The following ZNF726 variants were observed in gnomAD, a reference collection of about 807,000 sequenced individuals.
ZNF726 encodes zinc finger protein 726.
Under a neutral mutation model 11.6 loss-of-function variants are expected in ZNF726, and 15 were observed. The ratio of observed to expected loss-of-function variants is 1.29; its 90% CI spans 0.86 to 1.99. The LOEUF is 1.99. ZNF726 is among the 30% of genes most tolerant of loss of function. The pLI is 0.00. For synonymous variants in ZNF726, 295 were observed against 243.6 expected, an observed-to-expected ratio of 1.21 and a Z score of -1.96; for missense variants, 890 against 725.6, an observed-to-expected ratio of 1.23 and a Z score of -2.60.
At chr19:23,923,179 C>A (rs2144968755) in intron 3 of ZNF726, among the ~76,000 whole-genome samples, 1 of 152,084 alleles carries the variant, frequency 6.6e-6, no homozygotes, top group South Asian at 2.1e-4. Context: ...AGGCTCTAAC[C>A]ATATTCTGCT....
At chr19:23,935,257 TTAAACA>T (rs776216745), downstream of ZNF726, 2 of 472,820 alleles carry the variant, frequency 4.2e-6, no homozygotes, top group Admixed American at 4.6e-5. Context: ...TCAACTTTTA[TTAAACA>T]TAAGGTAATT....
chr19:23,926,953 T>TA (rs1568377733), intron 3 of ZNF726, among the ~76,000 whole-genome samples: 1 of 152,172 alleles, frequency 6.6e-6, no homozygotes, highest in South Asian at 2.1e-4. Context: ...AATGTTTCCT[T>TA]AAAAAACCCC....
chr19:23,918,115 G>A (rs1967749043), intron 1 of ZNF726, among the ~76,000 whole-genome samples: 2 of 152,108 alleles, frequency 1.3e-5, no homozygotes, highest in South Asian at 2.1e-4. Context: ...CCCTTGTGAC[G>A]GGAGGGGTAA....
intron 4 of ZNF726, chr19:23,944,143 T>C (rs1214986120): frequency 6.6e-6 from 1 of 152,216 alleles, no homozygotes; most frequent in African/African-American, 2.4e-5. Context: ...TTTTTTTATA[T>C]ACCTATTGGT....
downstream of ZNF726, among the ~76,000 whole-genome samples, chr19:23,938,896 C>T (rs770483623): frequency 2.0e-5 from 3 of 151,986 alleles, no homozygotes; most frequent in African/African-American, 4.8e-5. Context: ...TGTGAGCCAC[C>T]GTGCCTGGCC....
intron 1 of ZNF726, 140 bp downstream of exon 1, chr19:23,915,137 TC>T (rs904622948): frequency 6.1e-6 from 8 of 1,303,482 alleles, no homozygotes; most frequent in Non-Finnish European, 7.6e-6. Flanking sequence ...TCGGCCTCAG[TC>T]CCTTCAGCCT....
chr19:23,932,645 A>G lies in ZNF726; in HGVS notation c.529A>G (p.Asn177Asp), dbSNP rs1325873166. Residue 177 changes from asparagine to aspartate, a missense_variant, in exon 4 of 4, where the codon AAT (asparagine) becomes GAT (aspartate). Coordinates refer to ENST00000594466, the MANE Select transcript of ZNF726 (RefSeq NM_001244038.2). ...TAGAAAGAAACCTTTCAAATGTAAAAATTGTGTCAAATCATTTTGCATGTT... is the reference window on the plus strand; with the variant it reads ...TAGAAAGAAACCTTTCAAATGTAAAGATTGTGTCAAATCATTTTGCATGTT... ...HTRKKPFKCK[N>D]CVKSFCMFSH... 1.3e-6 allele frequency: 2 copies of G among 1,566,608 alleles called. No homozygotes were observed. The highest frequency in any genetic ancestry group is 1.7e-6 in the Non-Finnish European group (2 of 1,158,334).
chr19:23,941,101 T>C (rs189449745), intron 3 of ZNF726, among the ~76,000 whole-genome samples: 1 of 152,342 alleles, frequency 6.6e-6, no homozygotes, highest in Non-Finnish European at 1.5e-5. Context: ...TTCTCTATTA[T>C]GTTGGCTGCG....
At chr19:23,917,219 G>C (rs1208823455) in intron 1 of ZNF726, among the ~76,000 whole-genome samples, 1 of 152,224 alleles carries the variant, frequency 6.6e-6, no homozygotes. Flanking sequence ...CCAAAGTGCT[G>C]TGATTACAGG....
Position 23,934,247 on chromosome 19 carries a change from A to T in ZNF726, c.*280A>T. 2.9e-6 allele frequency: 2 copies of T among 693,290 alleles called. No individual in the cohort carries two copies. Among genetic ancestry groups the T allele is most frequent in the Non-Finnish European group, 5.4e-6 (2 of 370,110 alleles). 42.9% of individuals were successfully genotyped at this position (693,290 alleles called of 1,614,324 possible). The stretch of plus-strand genomic sequence containing the variant: ...ACAAATGTGAAAAATGTGGCAAAGC[A>T]TATGGTCCACACCCCTAAGTAGACA... On this transcript the variant is annotated 3_prime_UTR_variant, in exon 4 of 4. Coordinates refer to ENST00000594466, the MANE Select transcript of ZNF726 (RefSeq NM_001244038.2).
downstream of ZNF726, among the ~76,000 whole-genome samples, chr19:23,937,568 C>T (rs1003090346): frequency 7.3e-5 from 11 of 151,150 alleles, no homozygotes; most frequent in South Asian, 4.2e-4. Flanking sequence ...AGAGACGCTC[C>T]TCACTTCCCA....
downstream of ZNF726, among the ~76,000 whole-genome samples, chr19:23,937,147 C>T (rs1193003429): frequency 6.6e-6 from 1 of 150,758 alleles, no homozygotes. Context: ...GCTGACCCCC[C>T]CACCTCCCTC....
Position 23,914,950 on chromosome 19 carries a change from G to T in ZNF726, c.-45G>T, listed in dbSNP as rs1414306959. 5 of 1,613,122 alleles carry T rather than the reference G, an allele frequency of 3.1e-6. No homozygotes were observed. Among genetic ancestry groups the T allele is most frequent in the Non-Finnish European group, 4.2e-6 (5 of 1,179,916 alleles). The stretch of plus-strand genomic sequence containing the variant: ...TACTCTGTGTCTTCTGCTTTTAGGG[G>T]CGCAGCCTCTGTGGCCCTGTGACCT... On this transcript the variant is annotated 5_prime_UTR_variant, in exon 1 of 4. Coordinates refer to ENST00000594466, the MANE Select transcript of ZNF726 (RefSeq NM_001244038.2).
At chr19:23,935,118 C>G (rs1439811592), downstream of ZNF726, 8 of 360,208 alleles carry the variant, frequency 2.2e-5, no homozygotes, top group Non-Finnish European at 3.8e-5. Flanking sequence ...GCTGGTGATA[C>G]AGTTTGGCTG....
At chr19:23,929,620 T>C (rs749777497) in intron 3 of ZNF726, among the ~76,000 whole-genome samples, 2 of 152,202 alleles carry the variant, frequency 1.3e-5, no homozygotes, top group Non-Finnish European at 1.5e-5. Context: ...GGTTGGGACA[T>C]GGGCAAACCA....
intron 3 of ZNF726, chr19:23,923,605 T>C (rs189224322): frequency 2.2e-4 from 41 of 185,302 alleles, no homozygotes; most frequent in Admixed American, 1.5e-3. Context: ...AGAAACGGGG[T>C]TTCACCGTGC....
chr19:23,937,655 T>G (rs1280667363), downstream of ZNF726, among the ~76,000 whole-genome samples: 4 of 147,588 alleles, frequency 2.7e-5, no homozygotes, highest in African/African-American at 1.0e-4. Flanking sequence ...CTCCTCACTT[T>G]CCAGACTGGG....
In ZNF726 at chr19:23,933,294, G is replaced by A. The variant is rs1189140892; in HGVS notation, c.1178G>A (p.Gly393Glu). Reference protein sequence around the residue: ...TLTKHKRIHTGEKPYKCEECG... With the variant: ...TLTKHKRIHTEEKPYKCEECG... ...ACTAAACATAAGAGGATTCACACTGGAGAGAAACCCTACAAATGTGAAGAA... is the reference window on the plus strand; with the variant it reads ...ACTAAACATAAGAGGATTCACACTGAAGAGAAACCCTACAAATGTGAAGAA... Residue 393 changes from glycine to glutamate, a missense_variant, in exon 4 of 4, where the codon GGA becomes GAA. Coordinates refer to ENST00000594466, the MANE Select transcript of ZNF726 (RefSeq NM_001244038.2). 9 of 1,613,378 alleles carry A rather than the reference G, an allele frequency of 5.6e-6. No homozygotes were observed. Among genetic ancestry groups the A allele is most frequent in the African/African-American group, 1.3e-5 (1 of 74,846 alleles).
intron 3 of ZNF726, chr19:23,927,706 T>C (rs922091879): frequency 3.9e-5 from 6 of 152,222 alleles, no homozygotes; most frequent in African/African-American, 1.2e-4. Flanking sequence ...GGCCTCAAAC[T>C]TTTAACTCCA....
Sources: gnomAD v4.1 joint callset for allele counts (sites outside exome capture counted in the v4.1 genomes callset) on GRCh38, gnomAD v4.1.1 for gene constraint, MANE v1.5 for transcripts, NCBI Gene and HGNC (gene_info 2026-07-23, HGNC 2026-07-21) for gene names.